FHAD1: variants seen among roughly 807,000 people sequenced by gnomAD.
FHAD1 encodes the protein forkhead-associated domain-containing protein 1.
A neutral mutation model predicts 191.3 loss-of-function variants in FHAD1; 146 were observed. The ratio of observed to expected loss-of-function variants is 0.76; its 90% CI spans 0.67 to 0.88. FHAD1 has a LOEUF of 0.88. Ranked by LOEUF, FHAD1 falls within the 40% of genes least tolerant of loss-of-function variation. The pLI, the probability that FHAD1 is intolerant of heterozygous loss-of-function variation, is 0.00. For missense variants in FHAD1, 1,635 were observed against 1,785.8 expected (o/e 0.92, Z 1.52); for synonymous variants, 616 against 672.3 (o/e 0.92, Z 1.29).
chr1:15,261,071 G>A (rs745451027), intron 2 of FHAD1, among the ~76,000 whole-genome samples: 17 of 152,204 alleles, frequency 1.1e-4, no homozygotes, highest in Non-Finnish European at 2.1e-4. Flanking sequence ...AGGGACAGTG[G>A]AGAAAGATGG....
chr1:15,365,816 G>A lies in FHAD1; in HGVS notation c.3048-11G>A, dbSNP rs1285155932. The stretch of plus-strand genomic sequence containing the variant: ...AGTTGAACTGACTTCACCTGTTTTT[G>A]TGAATTTCAGAGATGACTTATTGGC... On this transcript the variant is annotated splice_polypyrimidine_tract_variant and intron_variant, in intron 23 of 33. Transcript: ENST00000688493. 14 of 1,535,096 alleles carry A rather than the reference G, an allele frequency of 9.1e-6. No homozygotes were observed. The highest frequency in any genetic ancestry group is 1.1e-5 in the Non-Finnish European group (12 of 1,132,244).
chr1:15,348,045 GTC>G (rs935124991), intron 18 of FHAD1, among the ~76,000 whole-genome samples: 17 of 152,146 alleles, frequency 1.1e-4, no homozygotes, highest in African/African-American at 3.4e-4. Context: ...GTGCCTCAAA[GTC>G]TCTTTTACAA....
Position 15,301,280 on chromosome 1 carries a change from G to A in FHAD1, c.754G>A (p.Val252Ile), listed in dbSNP as rs12039283. 14,375 of 1,551,652 alleles carry A rather than the reference G, an allele frequency of 9.3e-3. 539 individuals carry two copies. In the African/African-American group the frequency reaches 0.11, roughly 12 times the overall value. ...DYEIESKYKD[V>I]IIANLQNEVA... is the part of the protein sequence containing the mutation. ...TGAAATTGAATCCAAATACAAAGAC[G>A]TCATAATAGCAAACCTGCAGAATGA... is the stretch of plus-strand genomic sequence containing the variant. The change falls in exon 6 of 34, where the codon GTC becomes ATC. Residue 252 changes from valine (V) to isoleucine (I), a missense_variant. Val to Ile is a conservative substitution (Grantham distance 29). Coordinates refer to ENST00000688493, the MANE Select transcript of FHAD1 (RefSeq NM_001391957.1).
upstream of FHAD1, among the ~76,000 whole-genome samples, chr1:15,243,620 G>A (rs1362626269): frequency 6.6e-6 from 1 of 152,230 alleles, no homozygotes; most frequent in East Asian, 1.9e-4. Context: ...GGCTGGGAAG[G>A]AATGAGATTT....
At chr1:15,341,240 G>T (rs546782289) in intron 15 of FHAD1, among the ~76,000 whole-genome samples, 1 of 152,244 alleles carries the variant, frequency 6.6e-6, no homozygotes, top group African/African-American at 2.4e-5. Context: ...CAGTGGGCCC[G>T]ATTTGGCCTG....
intron 2 of FHAD1, 65 bp downstream of exon 2, chr1:15,251,942 C>T (rs1271850323): frequency 1.5e-6 from 2 of 1,348,280 alleles, no homozygotes; most frequent in Non-Finnish European, 2.0e-6. Context: ...CTCTAACAGT[C>T]CTTAGCGTTA....
intron 1 of FHAD1, among the ~76,000 whole-genome samples, chr1:15,247,842 C>T (rs1646280338): frequency 1.3e-5 from 2 of 152,218 alleles, no homozygotes; most frequent in African/African-American, 4.8e-5. Flanking sequence ...TTTTGCTTCT[C>T]TATCTCACTT....
At chr1:15,322,305 T>C (rs1676590363) in intron 10 of FHAD1, among the ~76,000 whole-genome samples, 1 of 152,256 alleles carries the variant, frequency 6.6e-6, no homozygotes, top group Non-Finnish European at 1.5e-5. Context: ...CAATTTTGCA[T>C]GGACTCAGCA....
chr1:15,387,610 T>G (rs1702457725), intron 31 of FHAD1, among the ~76,000 whole-genome samples: 3 of 152,008 alleles, frequency 2.0e-5, no homozygotes, highest in African/African-American at 4.8e-5. Context: ...ATTAGCTGGG[T>G]GTGGTGACTC....
intron 11 of FHAD1, 118 bp downstream of exon 11, chr1:15,324,677 C>A (rs931352200): frequency 1.5e-5 from 11 of 718,958 alleles, no homozygotes; most frequent in Middle Eastern, 3.3e-4. Context: ...TGCGTTAATT[C>A]TCCCATTTAT....
At chr1:15,282,583 T>C (rs1415111715) in intron 3 of FHAD1, among the ~76,000 whole-genome samples, 1 of 152,228 alleles carries the variant, frequency 6.6e-6, no homozygotes, top group Non-Finnish European at 1.5e-5. Flanking sequence ...CCTCACATGT[T>C]CATCAATGAC....
intron 32 of FHAD1, 117 bp downstream of exon 32, chr1:15,388,248 T>TCCTTC: frequency 2.0e-6 from 1 of 494,698 alleles, no homozygotes; most frequent in South Asian, 1.7e-5. Context: ...CACACCTCCC[T>TCCTTC]CCTTCCCTTC....
chr1:15,237,100 G>T (rs147450611), intron 1 of FHAD1, among the ~76,000 whole-genome samples: 1 of 152,282 alleles, frequency 6.6e-6, no homozygotes, highest in South Asian at 2.1e-4. Context: ...CTGCAGAACT[G>T]TGAGTCAATT....
chr1:15,286,221 G>C (rs1400661765), intron 3 of FHAD1, among the ~76,000 whole-genome samples: 3 of 152,160 alleles, frequency 2.0e-5, no homozygotes, highest in Non-Finnish European at 4.4e-5. Context: ...ACAAAAACCA[G>C]ACCAGGTGTT....
rs1675061001 is a variant in FHAD1 at position 15,318,091 on chromosome 1, T to C, written c.1365+163T>C. On this transcript the variant is annotated intron_variant, in intron 10 of 33. Coordinates refer to ENST00000688493, the MANE Select transcript of FHAD1 (RefSeq NM_001391957.1). This position sits in a 1 kb window ranked among gnomAD's most constrained non-coding sequence, Gnocchi z 4.1. The stretch of plus-strand genomic sequence containing the variant: ...GGACCAGGTTCACTGCATAAAGTAG[T>C]TGTGGCAGGACTTGAACCCAGGTTG... Among the ~76,000 whole-genome samples the C allele has an allele frequency of 6.6e-6, 1 of 152,166 alleles. No homozygotes were observed. The highest frequency in any genetic ancestry group is 1.5e-5 in the Non-Finnish European group (1 of 68,040).
At chr1:15,275,254 G>A (rs963339180) in intron 3 of FHAD1, among the ~76,000 whole-genome samples, 4 of 152,034 alleles carry the variant, frequency 2.6e-5, no homozygotes, top group African/African-American at 7.3e-5. Context: ...GAGCCACCGC[G>A]CCTGGCCAAC....
chr1:15,374,584 C>T lies in FHAD1; in HGVS notation c.3530C>T (p.Ser1177Phe). The change falls in exon 27 of 34, where the codon TCT (serine) becomes TTT (phenylalanine). Residue 1177 changes from serine (S) to phenylalanine (F), a missense_variant. Physicochemically the swap from Ser to Phe is radical, Grantham distance 155. Transcript: ENST00000688493. ...ATTCAGCGTCAGAAAAAGGCCTTATCTGAACTTCGAGCGCGAATTAAAGAA... is the reference window on the plus strand; with the variant it reads ...ATTCAGCGTCAGAAAAAGGCCTTATTTGAACTTCGAGCGCGAATTAAAGAA... ...EVIQRQKKAL[S>F]ELRARIKELE... The T allele has an allele frequency of 6.4e-7, 1 of 1,551,734 alleles. No individual in the cohort carries two copies. Among genetic ancestry groups the T allele is most frequent in the Non-Finnish European group, 8.7e-7 (1 of 1,147,002 alleles).
intron 31 of FHAD1, among the ~76,000 whole-genome samples, chr1:15,384,891 GA>G (rs1701745991): frequency 6.6e-6 from 1 of 152,176 alleles, no homozygotes. Flanking sequence ...AGGGGAAACT[GA>G]GGAGGTCGGA....
intron 19 of FHAD1, among the ~76,000 whole-genome samples, chr1:15,349,701 T>C (rs1018652546): frequency 1.3e-5 from 2 of 152,132 alleles, no homozygotes; most frequent in Admixed American, 6.5e-5. Context: ...AGGTGCATAG[T>C]AAGCACGTAT....
Sources: gnomAD v4.1 joint callset for allele counts (sites outside exome capture counted in the v4.1 genomes callset) on GRCh38, gnomAD v4.1.1 for gene constraint, Gnocchi (gnomAD v3.1) non-coding constraint, MANE v1.5 for transcripts, NCBI Gene and HGNC (gene_info 2026-07-23, HGNC 2026-07-21) for gene names.